Variants in RABGAP1 observed in about 807,000 individuals in gnomAD.
RABGAP1 encodes rab GTPase-activating protein 1.
A neutral mutation model predicts 137.6 loss-of-function variants in RABGAP1; 23 were observed. The ratio of observed to expected loss-of-function variants is 0.17; its 90% CI spans 0.12 to 0.24. The LOEUF is 0.24. Ranked by LOEUF, RABGAP1 falls within the 10% of genes least tolerant of loss-of-function variation. The probability of loss-of-function intolerance (pLI) is 1.00; values close to 1 mark genes in which losing one functional copy is unlikely to be tolerated. For synonymous variants in RABGAP1, 451 were observed against 450.7 expected, an observed-to-expected ratio of 1.00 and a Z score of -0.01; for missense variants, 906 against 1,275.8, an observed-to-expected ratio of 0.71 and a Z score of 4.42.
At chr9:122,932,759 C>A in the RABGAP1 span, among the ~76,000 whole-genome samples, 2 of 150,484 alleles carry the variant, frequency 1.3e-5, no homozygotes, top group Non-Finnish European at 3.0e-5. Flanking sequence ...GTCGAACTCC[C>A]GACCTCAGGT....
rs68089109 is a variant in RABGAP1 at position 123,044,626 on chromosome 9, CGTGTGTGTGT to C, written c.1795-20703_1795-20694del. Among the ~76,000 whole-genome samples, 46 of 149,088 alleles carry C rather than the reference CGTGTGTGTGT, an allele frequency of 3.1e-4. 1 individual carries two copies. The highest frequency in any genetic ancestry group is 9.9e-4 in the East Asian group (5 of 5,028). On this transcript the variant is annotated intron_variant, in intron 13 of 25. Transcript: ENST00000373647. ...GAAGGAATATAGGAAAACACACGTA[CGTGTGTGTGT>C]GTGTGTGTGTGTGTGTGTATGTGTA...
rs765417210 is a variant in RABGAP1, at chr9:123,010,482, G to T, written c.1503G>T (p.Ser501=). Residue 501 remains serine, a synonymous_variant, in exon 11 of 26, where the codon TCG becomes TCT. Coordinates refer to ENST00000373647, the MANE Select transcript of RABGAP1 (RefSeq NM_012197.4). The part of the protein sequence containing the change: ...SPSVRLPQSG[S]QSSVIPSPPE... ...CAGTTCGCCTGCCACAGTCTGGATC[G>T]CAAAGTTCAGTGATACCTTCTCCTC... 1.9e-6 allele frequency: 3 copies of T among 1,613,808 alleles called. No individual in the cohort carries two copies. The highest frequency in any genetic ancestry group is 2.5e-6 in the Non-Finnish European group (3 of 1,179,774).
rs41278244 is a variant in RABGAP1, at chr9:123,020,280, T to C, written c.1644-29T>C. 5.8e-3 allele frequency: 8,257 copies of C among 1,435,998 alleles called. 32 individuals carry two copies. Among genetic ancestry groups the C allele is most frequent in the Non-Finnish European group, 7.0e-3 (7,526 of 1,076,224 alleles). The allele number at this position is 1,435,998 out of a possible 1,614,324, so 89.0% of individuals were successfully genotyped here. On this transcript the variant is annotated intron_variant, in intron 12 of 25. Transcript: ENST00000373647. ...TTTAGAGAATCTTATCTTCCTTTTA[T>C]GATTTATGGTTTATGGCCTTATTTT...
intron 13 of RABGAP1, among the ~76,000 whole-genome samples, chr9:123,021,294 A>T (rs1271892740): frequency 9.3e-5 from 10 of 107,854 alleles, no homozygotes; most frequent in African/African-American, 4.1e-4. Context: ...GCTGTTATTT[A>T]AAAAAAAAAA....
At chr9:123,102,792 T>C (rs2035381617) in intron 25 of RABGAP1, among the ~76,000 whole-genome samples, 1 of 152,102 alleles carries the variant, frequency 6.6e-6, no homozygotes, top group African/African-American at 2.4e-5. Flanking sequence ...CAAAATGAAA[T>C]GATGTCACCA....
At chr9:122,974,781 C>T (rs566859448) in intron 2 of RABGAP1, among the ~76,000 whole-genome samples, 140 of 152,256 alleles carry the variant, frequency 9.2e-4, no homozygotes, top group African/African-American at 3.2e-3. Context: ...TAAAGTAATA[C>T]TAGAAATTCT....
chr9:122,956,937 G>T, intron 1 of RABGAP1, 74 bp from the exon 2 acceptor site: 1 of 756,020 alleles, frequency 1.3e-6, no homozygotes, highest in Non-Finnish European at 1.8e-6. Context: ...TGAATATGTT[G>T]TGTAAGAAGT....
chr9:122,989,902 T>G, intron 5 of RABGAP1, 154 bp from the exon 6 acceptor site: 1 of 825,914 alleles, frequency 1.2e-6, no homozygotes, highest in East Asian at 2.7e-5. Context: ...TTAGTGTTGC[T>G]TGCTTTATAG....
chr9:123,003,910 T>C (rs1043583158), intron 10 of RABGAP1, among the ~76,000 whole-genome samples: 1 of 152,230 alleles, frequency 6.6e-6, no homozygotes, highest in Non-Finnish European at 1.5e-5. Context: ...TATAGGGGTC[T>C]TAAAATCTTT....
In RABGAP1 at chr9:122,996,714, G is replaced by A. The variant is rs535343295; in HGVS notation, c.1101+109G>A. ...AAAACATGTTTAAGAAGGTGATCTT[G>A]TAAGCTATAAAGACAACATGCAAAG... is the stretch of plus-strand genomic sequence containing the variant. On this transcript the variant is annotated intron_variant, in intron 8 of 25. Transcript: ENST00000373647. The A allele has an allele frequency of 3.5e-5, 33 of 933,376 alleles. No individual in the cohort carries two copies. The African/African-American group carries it at 4.8e-4, about 14-fold the overall frequency. The allele number at this position is 933,376 out of a possible 1,614,324, so 57.8% of individuals were successfully genotyped here.
intron 19 of RABGAP1, among the ~76,000 whole-genome samples, chr9:123,086,494 C>T (rs2034870283): frequency 6.6e-6 from 1 of 152,148 alleles, no homozygotes; most frequent in African/African-American, 2.4e-5. Flanking sequence ...TAAAATGCCC[C>T]TGCTGCTGCT....
In RABGAP1 at chr9:123,073,695, C is replaced by CTTGTG. The variant is rs766435114; in HGVS notation, c.2109+21_2109+25dup. The CTTGTG allele has an allele frequency of 1.9e-6, 3 of 1,613,272 alleles. No homozygotes were observed. The African/African-American group carries it at 4.0e-5, about 22-fold the overall frequency. On this transcript the variant is annotated intron_variant, in intron 16 of 25. Coordinates refer to ENST00000373647, the MANE Select transcript of RABGAP1 (RefSeq NM_012197.4). ...TCATGCAGGTAAAAAGAGAAACCAG[C>CTTGTG]TTGTGTTTGACAAAAAGAGTACAGG...
intron 13 of RABGAP1, among the ~76,000 whole-genome samples, chr9:123,054,110 T>A (rs1183918335): frequency 6.6e-6 from 1 of 152,238 alleles, no homozygotes. Context: ...GATTTTTATC[T>A]GCACAATCTA....
At chr9:122,946,626 A>T (rs1288022742) in intron 1 of RABGAP1, among the ~76,000 whole-genome samples, 4 of 152,208 alleles carry the variant, frequency 2.6e-5, no homozygotes, top group African/African-American at 9.6e-5. Context: ...GTTCCCAGGG[A>T]TAGCTTCTAT....
chr9:123,073,410 A>G (rs2034418203), intron 15 of RABGAP1, 142 bp from the exon 16 acceptor site: 1 of 977,180 alleles, frequency 1.0e-6, no homozygotes, highest in Non-Finnish European at 1.5e-6. Context: ...ACACAACCTT[A>G]GGCCTGAGTT....
At chr9:123,059,141 G>C (rs1408300625) in intron 13 of RABGAP1, among the ~76,000 whole-genome samples, 2 of 152,176 alleles carry the variant, frequency 1.3e-5, no homozygotes, top group South Asian at 2.1e-4. Context: ...AAAATGATCT[G>C]ATTGGTCCAT....
chr9:123,019,620 T>A (rs1469172266), intron 12 of RABGAP1, among the ~76,000 whole-genome samples: 2 of 152,134 alleles, frequency 1.3e-5, no homozygotes, highest in African/African-American at 4.8e-5. Context: ...TGACCACTTG[T>A]CAGTTTGATG....
chr9:122,999,590 C>T (rs958987343), intron 10 of RABGAP1, among the ~76,000 whole-genome samples: 2 of 152,076 alleles, frequency 1.3e-5, no homozygotes, highest in African/African-American at 4.8e-5. Flanking sequence ...TAAGATTATT[C>T]ATCTTTGGTT....
chr9:122,959,921 C>T (rs938522655), intron 2 of RABGAP1, among the ~76,000 whole-genome samples: 2 of 152,182 alleles, frequency 1.3e-5, no homozygotes, highest in Non-Finnish European at 2.9e-5. Flanking sequence ...CAGTGACACA[C>T]AGTGTGTCAT....
Sources: allele counts gnomAD v4.1 joint callset (sites outside exome capture counted in the v4.1 genomes callset), GRCh38; gene constraint gnomAD v4.1.1; transcripts MANE v1.5; gene names NCBI Gene and HGNC (gene_info 2026-07-23, HGNC 2026-07-21).